PLXDC2: variants seen among roughly 807,000 people sequenced by gnomAD.
The protein encoded by PLXDC2 is plexin domain-containing protein 2.
In PLXDC2, 40 loss-of-function variants were observed where a neutral mutation model predicts 68.9. The ratio of observed to expected loss-of-function variants is 0.58; its 90% confidence interval spans 0.45 to 0.76. PLXDC2 has a LOEUF of 0.76. Among genes scored for constraint, PLXDC2 ranks in the 30% least tolerant of loss-of-function variants. The pLI is 0.00. For missense variants in PLXDC2, 644 were observed against 661.9 expected (o/e 0.97, Z 0.30); for synonymous variants, 243 against 234.2 (o/e 1.04, Z -0.34).
intron 2 of PLXDC2, among the ~76,000 whole-genome samples, chr10:20,014,552 C>CTA (rs1835177917): frequency 6.6e-6 from 1 of 151,924 alleles, no homozygotes; most frequent in Non-Finnish European, 1.5e-5. Context: ...CTTGAAGCAG[C>CTA]TATAGCTCAG....
chr10:20,140,441 C>CTAA (rs55757049), intron 4 of PLXDC2, among the ~76,000 whole-genome samples: 12 of 148,834 alleles, frequency 8.1e-5, no homozygotes, highest in African/African-American at 2.9e-4. Flanking sequence ...ATCTATCTAT[C>CTAA]CGTCTAATCT....
chr10:20,061,292 C>A (rs1469598241), intron 3 of PLXDC2, among the ~76,000 whole-genome samples: 1 of 152,200 alleles, frequency 6.6e-6, no homozygotes, highest in African/African-American at 2.4e-5. Flanking sequence ...ATTCCTCAGT[C>A]TTTGCCTTTC....
chr10:19,836,835 TG>T (rs1459519377), intron 1 of PLXDC2, among the ~76,000 whole-genome samples: 2 of 152,230 alleles, frequency 1.3e-5, no homozygotes, highest in Non-Finnish European at 2.9e-5. Flanking sequence ...GAAAGAATGT[TG>T]TTTTTCCTCA....
intron 3 of PLXDC2, among the ~76,000 whole-genome samples, chr10:20,055,751 C>T (rs1460088642): frequency 6.6e-6 from 1 of 152,042 alleles, no homozygotes; most frequent in Non-Finnish European, 1.5e-5. Flanking sequence ...AGCTTAATTT[C>T]AGCTTAATAA....
intron 1 of PLXDC2, among the ~76,000 whole-genome samples, chr10:19,982,708 C>G (rs746748143): frequency 4.0e-5 from 6 of 151,740 alleles, no homozygotes; most frequent in Non-Finnish European, 8.8e-5. Flanking sequence ...AGTAAACATG[C>G]CTTTATATCT....
intron 13 of PLXDC2, among the ~76,000 whole-genome samples, chr10:20,251,724 A>T (rs1399559620): frequency 6.6e-6 from 1 of 152,198 alleles, no homozygotes; most frequent in Non-Finnish European, 1.5e-5. Context: ...TATTTGGACT[A>T]TAACGAAATA....
intron 4 of PLXDC2, among the ~76,000 whole-genome samples, chr10:20,076,856 T>A (rs936952865): frequency 6.6e-6 from 1 of 152,178 alleles, no homozygotes; most frequent in Non-Finnish European, 1.5e-5. Context: ...AGAATCTCTC[T>A]AAAGACTGTC....
chr10:20,056,506 A>T (rs187822374), intron 3 of PLXDC2, among the ~76,000 whole-genome samples: 5 of 152,312 alleles, frequency 3.3e-5, no homozygotes, highest in African/African-American at 1.2e-4. Context: ...TGACATAATT[A>T]CATAAATACA....
At chr10:20,097,978 A>G (rs1413939822) in intron 4 of PLXDC2, among the ~76,000 whole-genome samples, 1 of 149,712 alleles carries the variant, frequency 6.7e-6, no homozygotes, top group Admixed American at 6.7e-5. Flanking sequence ...AGCATTATTT[A>G]TATTACTTAT....
At chr10:20,244,723 A>G (rs1835565574) in intron 12 of PLXDC2, among the ~76,000 whole-genome samples, 1 of 152,220 alleles carries the variant, frequency 6.6e-6, no homozygotes, top group African/African-American at 2.4e-5. Context: ...TTTAATGAGA[A>G]AAATCAAAGT....
intron 7 of PLXDC2, among the ~76,000 whole-genome samples, chr10:20,165,732 A>G (rs796929268): frequency 6.6e-6 from 1 of 152,214 alleles, no homozygotes; most frequent in South Asian, 2.1e-4. Flanking sequence ...TTTTCTTTAA[A>G]TTACGTTTGC....
intron 1 of PLXDC2, among the ~76,000 whole-genome samples, chr10:19,839,332 G>A (rs147325631): frequency 1.6e-3 from 244 of 152,208 alleles, no homozygotes; most frequent in Non-Finnish European, 2.8e-3. Flanking sequence ...ACACAAATTC[G>A]TAAACATTCT....
chr10:19,930,394 G>A (rs1833608080), intron 1 of PLXDC2, among the ~76,000 whole-genome samples: 1 of 152,092 alleles, frequency 6.6e-6, no homozygotes, highest in Non-Finnish European at 1.5e-5. Context: ...TTAGCTTTGT[G>A]ATCTTAGCAT....
At chr10:20,263,980 A>G (rs570844493) in intron 13 of PLXDC2, among the ~76,000 whole-genome samples, 2 of 152,268 alleles carry the variant, frequency 1.3e-5, no homozygotes, top group South Asian at 4.1e-4. Flanking sequence ...ACCAAGAGGA[A>G]TATAAAGCAT....
intron 1 of PLXDC2, among the ~76,000 whole-genome samples, chr10:19,954,019 G>A (rs1222609752): frequency 6.6e-6 from 1 of 152,132 alleles, no homozygotes; most frequent in Non-Finnish European, 1.5e-5. Context: ...GTCTTTGGAA[G>A]CTTAGTAATT....
intron 2 of PLXDC2, among the ~76,000 whole-genome samples, chr10:20,014,891 T>TG (rs35529334): frequency 2.5e-5 from 2 of 79,818 alleles, no homozygotes; most frequent in Non-Finnish European, 7.2e-5. Flanking sequence ...AAAGAGAACA[T>TG]TTTTTTTTTC....
In PLXDC2 at chr10:19,894,243, C is replaced by CAAACAA. The variant is rs1344501623; in HGVS notation, c.112+77068_112+77073dup. ...CTTGGAAACGTAAAACAAAACAAAA[C>CAAACAA]AAACAAAAACAAAAACAAAAAACTG... On this transcript the variant is annotated intron_variant, in intron 1 of 13. Coordinates refer to ENST00000377252, the MANE Select transcript of PLXDC2 (RefSeq NM_032812.9). Among the ~76,000 whole-genome samples the CAAACAA allele has an allele frequency of 4.6e-5, 7 of 150,736 alleles. No homozygotes were observed. In the South Asian group the frequency reaches 1.2e-3, roughly 27 times the overall value.
At chr10:20,193,714 T>G (rs2131841327) in intron 9 of PLXDC2, among the ~76,000 whole-genome samples, 1 of 152,232 alleles carries the variant, frequency 6.6e-6, no homozygotes, top group African/African-American at 2.4e-5. Context: ...CTAAGAGTGC[T>G]TCTGTTAACA....
chr10:20,179,928 T>C (rs1023729906), intron 9 of PLXDC2, among the ~76,000 whole-genome samples: 20 of 152,100 alleles, frequency 1.3e-4, no homozygotes, highest in African/African-American at 4.8e-4. Flanking sequence ...CAGCTTTTGG[T>C]CTTGTGTTTT....
Sources: allele counts gnomAD v4.1 joint callset (sites outside exome capture counted in the v4.1 genomes callset), GRCh38; gene constraint gnomAD v4.1.1; transcripts MANE v1.5; gene names NCBI Gene and HGNC (gene_info 2026-07-23, HGNC 2026-07-21).